ZNF561: variants seen among roughly 807,000 people sequenced by gnomAD.
The protein encoded by ZNF561 is zinc finger protein 561.
In ZNF561, 16 loss-of-function variants were observed where a neutral mutation model predicts 16.7. The ratio of observed to expected loss-of-function variants is 0.96; its 90% CI spans 0.65 to 1.45. ZNF561 has a LOEUF of 1.45. Ranked by LOEUF, ZNF561 falls within the 40% of genes most tolerant of loss-of-function variation. The pLI is 0.00. For synonymous variants in ZNF561, 190 were observed against 192.1 expected, an observed-to-expected ratio of 0.99 and a Z score of 0.09; for missense variants, 580 against 578.0, an observed-to-expected ratio of 1.00 and a Z score of -0.04.
At chr19:9,613,966 A>C in intron 5 of ZNF561, 55 bp downstream of exon 5, 1 of 1,597,252 alleles carries the variant, frequency 6.3e-7, no homozygotes, top group Non-Finnish European at 8.6e-7. Flanking sequence ...TCTAGAATGG[A>C]ATTCTCTATC....
chr19:9,617,761 G>C, intron 3 of ZNF561: 1 of 461,842 alleles, frequency 2.2e-6, no homozygotes, highest in South Asian at 1.5e-5. Context: ...GCAGATACCT[G>C]ATAAATGCTG....
rs115180935 is a variant in ZNF561, at chr19:9,620,636, A to G, written c.-127+526T>C. Among the ~76,000 whole-genome samples the G allele has an allele frequency of 7.6e-3, 1,160 of 152,308 alleles. 17 individuals are homozygous for G. The highest frequency in any genetic ancestry group is 0.026 in the African/African-American group (1,093 of 41,560). ...CTGTATATGGTGTTACCCCCCCGCC[A>G]TATGACCAGAAGACAGTGCAGACCT... On this transcript the variant is annotated intron_variant, in intron 1 of 5. Transcript: ENST00000302851.
chr19:9,613,063 T>A (rs1431998676), intron 5 of ZNF561, among the ~76,000 whole-genome samples: 1 of 152,206 alleles, frequency 6.6e-6, no homozygotes, highest in Non-Finnish European at 1.5e-5. Context: ...AGTGCTGGGA[T>A]TACAGGTGTC....
At position 9,618,119 on chromosome 19, in the gene ZNF561, A is replaced by C; in HGVS notation, c.86T>G (p.Val29Gly). The change falls in exon 3 of 6, where the codon GTG (valine) becomes GGG (glycine). Residue 29 changes from valine to glycine, a missense_variant. Coordinates refer to ENST00000302851, the MANE Select transcript of ZNF561 (RefSeq NM_152289.3). ...FEEKTKVERM[V>G]EDYLASGYQD... Reference sequence around the variant, plus strand: ...ATAACCACTTGCCAGGTAGTCCTCCACCATCCTTTCTACCTTTGTCTTTTC... The same window carrying C: ...ATAACCACTTGCCAGGTAGTCCTCCCCCATCCTTTCTACCTTTGTCTTTTC... 2 of 1,551,254 alleles carry C rather than the reference A, an allele frequency of 1.3e-6. No individual in the cohort carries two copies. The highest frequency in any genetic ancestry group is 1.7e-6 in the Non-Finnish European group (2 of 1,146,692).
intron 1 of ZNF561, among the ~76,000 whole-genome samples, chr19:9,620,374 A>G (rs2074649014): frequency 6.6e-6 from 1 of 152,146 alleles, no homozygotes; most frequent in African/African-American, 2.4e-5. Flanking sequence ...ACAGGTGCAC[A>G]CCACTGGGTC....
rs557695189 is a variant in ZNF561, at chr19:9,621,179, C to T, written c.-144G>A. The T allele has an allele frequency of 6.5e-5, 10 of 154,924 alleles. No homozygotes were observed. The highest frequency in any genetic ancestry group is 2.4e-4 in the African/African-American group (10 of 41,468). The allele number at this position is 154,924 out of a possible 1,614,324, so 9.6% of individuals were successfully genotyped here. A position where few individuals can be genotyped will look rare whatever the true frequency, so the allele number is the denominator to read the frequency against. ...GAACTCACCACAGCCTGGGCAGACTCCACCACCATAAAGGCGAAACCGCAC... is the reference window on the plus strand; with the variant it reads ...GAACTCACCACAGCCTGGGCAGACTTCACCACCATAAAGGCGAAACCGCAC... On this transcript the variant is annotated 5_prime_UTR_variant, in exon 1 of 6. Coordinates refer to ENST00000302851, the MANE Select transcript of ZNF561 (RefSeq NM_152289.3).
intron 4 of ZNF561, 25 bp from the exon 5 acceptor site, chr19:9,614,128 G>A (rs372422136): frequency 1.1e-4 from 176 of 1,610,452 alleles, no homozygotes; most frequent in East Asian, 6.0e-4. Context: ...AAAAAGAAAC[G>A]TAAGGATTTA....
chr19:9,617,787 G>A (rs977685202), intron 3 of ZNF561: 9 of 474,954 alleles, frequency 1.9e-5, no homozygotes, highest in African/African-American at 1.8e-4. Context: ...TGAATGATTT[G>A]ATAAAAGGAC....
chr19:9,610,004 A>G lies in ZNF561; in HGVS notation c.*196T>C, dbSNP rs1249077215. 9.1e-6 allele frequency: 5 copies of G among 550,414 alleles called. No individual in the cohort carries two copies. Among genetic ancestry groups the G allele is most frequent in the Non-Finnish European group, 1.6e-5 (5 of 313,286 alleles). The allele number at this position is 550,414 out of a possible 1,614,324, so 34.1% of individuals were successfully genotyped here. A position where few individuals can be genotyped will look rare whatever the true frequency, so the allele number is the denominator to read the frequency against. On this transcript the variant is annotated 3_prime_UTR_variant, in exon 6 of 6. Coordinates refer to ENST00000302851, the MANE Select transcript of ZNF561 (RefSeq NM_152289.3). ...GGCAGCCTGCAGTACTGACCTCACC[A>G]TCCATGACCCTTCTTCACAGATGCC...
chr19:9,610,293 T>C lies in ZNF561; in HGVS notation c.1368A>G (p.Lys456=). The C allele has an allele frequency of 6.2e-7, 1 of 1,614,162 alleles. No homozygotes were observed. Among genetic ancestry groups the C allele is most frequent in the Non-Finnish European group, 8.5e-7 (1 of 1,179,998 alleles). Residue 456 remains lysine (K), a synonymous_variant, in exon 6 of 6, where the codon AAA becomes AAG. Transcript: ENST00000302851. ...EKPFVCKECG[K]AFAVSSRLSR... is the part of the protein sequence containing the mutation. The stretch of plus-strand genomic sequence containing the variant: ...TTAGGCGTGAGGAAACAGCAAATGC[T>C]TTCCCACATTCTTTACATACGAAGG...
rs1163753113 is a variant in ZNF561 at position 9,609,517 on chromosome 19, T to C, written c.*683A>G. The C allele has an allele frequency of 6.6e-6, 1 of 152,242 alleles. No homozygotes were observed. Among genetic ancestry groups the C allele is most frequent in the Non-Finnish European group, 1.5e-5 (1 of 68,048 alleles). The allele number at this position is 152,242 out of a possible 1,614,324, so 9.4% of individuals were successfully genotyped here. A position where few individuals can be genotyped will look rare whatever the true frequency, so the allele number is the denominator to read the frequency against. On this transcript the variant is annotated 3_prime_UTR_variant, in exon 6 of 6. Coordinates refer to ENST00000302851, the MANE Select transcript of ZNF561 (RefSeq NM_152289.3). ...CTGAAGAGAATCCTCAAAGTGTGGC[T>C]GAACGATCATCTGATAAAGAGATCA...
Position 9,610,507 on chromosome 19 carries a change from C to T in ZNF561, c.1154G>A (p.Arg385Lys). The T allele has an allele frequency of 2.5e-6, 4 of 1,613,976 alleles. No homozygotes were observed. The highest frequency in any genetic ancestry group is 2.2e-5 in the East Asian group (1 of 44,882). ...TTSTSLIQHT[R>K]IHTGEKPYEC... The stretch of plus-strand genomic sequence containing the variant: ...ATAAGGCTTCTCTCCTGTGTGAATT[C>T]TTGTATGCTGAATAAGACTTGTGGA... The change falls in exon 6 of 6, where the codon AGA becomes AAA. Residue 385 changes from arginine (R) to lysine (K), a missense_variant. Arg to Lys is a conservative substitution (Grantham distance 26). Coordinates refer to ENST00000302851, the MANE Select transcript of ZNF561 (RefSeq NM_152289.3).
Position 9,610,396 on chromosome 19 carries a change from A to T in ZNF561, c.1265T>A (p.Val422Glu). Residue 422 changes from valine to glutamate, a missense_variant, in exon 6 of 6, where the codon GTA becomes GAA. Val to Glu is a moderately radical substitution (Grantham distance 121). Coordinates refer to ENST00000302851, the MANE Select transcript of ZNF561 (RefSeq NM_152289.3). ...AAATGCTTTCCCACATATCTTGCAT[A>T]CAAAGGGCTTTTCTCCACTATGAGT... ...LKTHSGEKPF[V>E]CKICGKAFLY... The T allele has an allele frequency of 6.2e-7, 1 of 1,613,810 alleles. No homozygotes were observed. The highest frequency in any genetic ancestry group is 8.5e-7 in the Non-Finnish European group (1 of 1,179,780).
rs1568229196 is a variant in ZNF561, at chr19:9,610,597, T to C, written c.1064A>G (p.His355Arg). ...TTTCTTTCCACTGTGACTTCGTATG[T>C]GTATAGAAAGGCCCGAGTACTGAGC... ...AFAQYSGLSI[H>R]IRSHSGKKPY... is the part of the protein sequence containing the mutation. The change falls in exon 6 of 6, where the codon CAC (histidine) becomes CGC (arginine). Residue 355 changes from histidine to arginine, a missense_variant. By Grantham distance (29) the His-to-Arg change is conservative. Transcript: ENST00000302851. The C allele has an allele frequency of 6.2e-7, 1 of 1,613,380 alleles. No individual in the cohort carries two copies. The highest frequency in any genetic ancestry group is 8.5e-7 in the Non-Finnish European group (1 of 1,179,662).
intron 5 of ZNF561, among the ~76,000 whole-genome samples, chr19:9,613,553 C>A (rs367802907): frequency 1.3e-5 from 2 of 152,046 alleles, no homozygotes; most frequent in African/African-American, 4.8e-5. Flanking sequence ...GAGTCTCACT[C>A]GGTCAACCAG....
In ZNF561 at chr19:9,609,056, G is replaced by GA. The variant is rs2074399782; in HGVS notation, c.*1143dup. On this transcript the variant is annotated 3_prime_UTR_variant, in exon 6 of 6. Coordinates refer to ENST00000302851, the MANE Select transcript of ZNF561 (RefSeq NM_152289.3). Reference sequence around the variant, plus strand: ...CTGGCCCACCCACGGTGGAAAACTGGAAAACTGCTCAGGCATTCCTAAACC... The same window carrying GA: ...CTGGCCCACCCACGGTGGAAAACTGGAAAAACTGCTCAGGCATTCCTAAACC... 6.6e-6 allele frequency: 1 copy of GA among 152,200 alleles called. No homozygotes were observed. Among genetic ancestry groups the GA allele is most frequent in the African/African-American group, 2.4e-5 (1 of 41,452 alleles). The allele number at this position is 152,200 out of a possible 1,614,324, so 9.4% of individuals were successfully genotyped here.
At position 9,610,314 on chromosome 19, in the gene ZNF561, G is replaced by T. The variant is rs370992979; in HGVS notation, c.1347C>A (p.Phe449Leu). The T allele has an allele frequency of 1.2e-6, 2 of 1,614,042 alleles. No homozygotes were observed. The highest frequency in any genetic ancestry group is 1.7e-6 in the Non-Finnish European group (2 of 1,179,976). Residue 449 changes from phenylalanine to leucine, a missense_variant, in exon 6 of 6, where the codon TTC becomes TTA. Transcript: ENST00000302851. ...ATGCTTTCCCACATTCTTTACATACGAAGGGTTTCTCTCCGGTATGAGTTC... is the reference window on the plus strand; with the variant it reads ...ATGCTTTCCCACATTCTTTACATACTAAGGGTTTCTCTCCGGTATGAGTTC... ...HLRTHTGEKP[F>L]VCKECGKAFA...
Position 9,610,431 on chromosome 19 carries a change from T to C in ZNF561, c.1230A>G (p.Lys410=). Residue 410 remains lysine (K), a synonymous_variant, in exon 6 of 6, where the codon AAA becomes AAG. Transcript: ENST00000302851. ...KTFITSSRRS[K]HLKTHSGEKP... ...TTTCTCCACTATGAGTTTTCAAATG[T>C]TTACTACGACGGGAAGAAGTAATGA... 1 of 1,611,908 alleles carries C rather than the reference T, an allele frequency of 6.2e-7. No individual in the cohort carries two copies. Among genetic ancestry groups the C allele is most frequent in the Non-Finnish European group, 8.5e-7 (1 of 1,178,366 alleles).
At chr19:9,614,875 G>C (rs188710586) in intron 4 of ZNF561, among the ~76,000 whole-genome samples, 1 of 144,540 alleles carries the variant, frequency 6.9e-6, no homozygotes, top group Non-Finnish European at 1.5e-5. Context: ...GTGTCACTCT[G>C]TCACCCACAC....
Sources: gnomAD v4.1 joint callset for allele counts (sites outside exome capture counted in the v4.1 genomes callset) on GRCh38, gnomAD v4.1.1 for gene constraint, MANE v1.5 for transcripts, NCBI Gene and HGNC (gene_info 2026-07-23, HGNC 2026-07-21) for gene names.